The following CPVL variants were observed in gnomAD, a reference collection of about 807,000 sequenced individuals.
The protein encoded by CPVL is carboxypeptidase vitellogenic like.
A neutral mutation model predicts 63.7 loss-of-function variants in CPVL; 51 were observed. That is an observed-to-expected ratio of 0.80 (90% CI 0.64 to 1.01). The LOEUF (loss-of-function observed/expected upper bound fraction) is 1.01, where lower values mean the gene tolerates loss of function less well. Among genes scored for constraint, CPVL ranks in the 50% least tolerant of loss-of-function variants. The probability of loss-of-function intolerance (pLI) is 0.00; values close to 1 mark genes in which losing one functional copy is unlikely to be tolerated. For missense variants in CPVL, 530 were observed against 573.1 expected (o/e 0.92, Z 0.77); for synonymous variants, 195 against 206.0 (o/e 0.95, Z 0.46).
At chr7:29,146,570 T>TC (rs1335450554), upstream of CPVL, 17 of 1,539,230 alleles carry the variant, frequency 1.1e-5, no homozygotes, top group Non-Finnish European at 1.5e-5. Context: ...CTTTAAGCGC[T>TC]CCTCTAGGCT....
chr7:29,018,026 T>C (rs1468054287), intron 12 of CPVL, among the ~76,000 whole-genome samples: 1 of 152,188 alleles, frequency 6.6e-6, no homozygotes, highest in Non-Finnish European at 1.5e-5. Flanking sequence ...ATCTTGTAGT[T>C]TTGGAAGAAA....
chr7:29,080,374 A>G (rs1784586531), intron 7 of CPVL: 1 of 152,094 alleles, frequency 6.6e-6, no homozygotes, highest in Non-Finnish European at 1.5e-5. Flanking sequence ...CCTGTCCAAC[A>G]TAGTGAAACC....
chr7:29,156,684 G>C (rs1268826810), intron 5 of CPVL, among the ~76,000 whole-genome samples: 1 of 152,108 alleles, frequency 6.6e-6, no homozygotes, highest in African/African-American at 2.4e-5. Flanking sequence ...TTTTGACCAA[G>C]GAGCTTTATG....
chr7:29,121,137 G>T, intron 1 of CPVL, 66 bp from the exon 2 acceptor site: 1 of 1,392,898 alleles, frequency 7.2e-7, no homozygotes, highest in East Asian at 2.6e-5. Flanking sequence ...CCTTTTACAT[G>T]CAAGAAATTC....
At chr7:29,039,080 G>A (rs1788816055) in intron 11 of CPVL, among the ~76,000 whole-genome samples, 2 of 152,152 alleles carry the variant, frequency 1.3e-5, no homozygotes, top group Admixed American at 1.3e-4. Context: ...AAAAGGAAAG[G>A]GAAATTTATG....
At chr7:29,063,056 T>C (rs1311559046) in intron 11 of CPVL, among the ~76,000 whole-genome samples, 1 of 151,988 alleles carries the variant, frequency 6.6e-6, no homozygotes, top group African/African-American at 2.4e-5. Flanking sequence ...AAAGAAATAA[T>C]ACACAGGCTG....
chr7:29,102,507 C>G (rs1787257094), intron 3 of CPVL, among the ~76,000 whole-genome samples: 1 of 152,114 alleles, frequency 6.6e-6, no homozygotes, highest in African/African-American at 2.4e-5. Context: ...AAAATAAAAC[C>G]TCTACTAATG....
At chr7:29,118,994 AACAT>A (rs1250869499) in intron 2 of CPVL, among the ~76,000 whole-genome samples, 2 of 152,100 alleles carry the variant, frequency 1.3e-5, no homozygotes, top group African/African-American at 2.4e-5. Flanking sequence ...TCAGCAAACA[AACAT>A]TCTCTCCTAT....
intron 5 of CPVL, among the ~76,000 whole-genome samples, chr7:29,166,457 T>TTTTG (rs1231070047): frequency 6.6e-6 from 1 of 151,608 alleles, no homozygotes; most frequent in East Asian, 1.9e-4. Context: ...TTTTCTGGGT[T>TTTTG]TTTGTTTGTT....
chr7:29,015,352 C>T (rs1786303675), intron 12 of CPVL, among the ~76,000 whole-genome samples: 1 of 152,140 alleles, frequency 6.6e-6, no homozygotes, highest in African/African-American at 2.4e-5. Flanking sequence ...TGGTAATCCC[C>T]AATTTGGAGG....
intron 12 of CPVL, among the ~76,000 whole-genome samples, chr7:29,028,784 T>G (rs1039778062): frequency 1.3e-5 from 2 of 151,856 alleles, no homozygotes; most frequent in Non-Finnish European, 2.9e-5. Context: ...GCTAACACGG[T>G]GAAACCCCAT....
chr7:29,063,606 T>C (rs695069), intron 11 of CPVL, among the ~76,000 whole-genome samples: 95,442 of 152,022 alleles, frequency 0.63, 30,703 homozygotes, highest in African/African-American at 0.73. Flanking sequence ...GTTTTTGCTC[T>C]GTTGCCCAGG....
At chr7:29,186,590 G>A (rs1292523870) in intron 1 of CPVL, 1 of 151,496 alleles carries the variant, frequency 6.6e-6, no homozygotes, top group African/African-American at 2.4e-5. Flanking sequence ...AAGAAAGAAA[G>A]GGAGGAAGGA....
At chr7:29,120,739 T>C (rs1022590715) in intron 2 of CPVL, among the ~76,000 whole-genome samples, 154 bp downstream of exon 2, 3 of 150,098 alleles carry the variant, frequency 2.0e-5, no homozygotes, top group Non-Finnish European at 2.9e-5. Flanking sequence ...GAGAATTGCT[T>C]GAACCCGGGA....
chr7:29,095,671 G>A (rs1259302528), intron 4 of CPVL, among the ~76,000 whole-genome samples: 1 of 151,460 alleles, frequency 6.6e-6, no homozygotes, highest in Non-Finnish European at 1.5e-5. Flanking sequence ...TCCTTCCTCC[G>A]CCTCAGCCCC....
In CPVL at chr7:29,036,495, A is replaced by AG. The variant is rs539530741; in HGVS notation, c.1138-5737dup. The stretch of plus-strand genomic sequence containing the variant: ...ACTTGGTTGTCAATCTCACTCTTTC[A>AG]GAAAAAGGCCGACTGTAGGAAGAAA... On this transcript the variant is annotated intron_variant, in intron 11 of 12. Coordinates refer to ENST00000265394, the MANE Select transcript of CPVL (RefSeq NM_031311.5). 3.3e-4 allele frequency among the ~76,000 whole-genome samples: 50 copies of AG among 152,320 alleles called. 1 individual carries two copies. The East Asian group carries it at 9.4e-3, about 29-fold the overall frequency.
chr7:29,046,556 C>A (rs551743481), intron 11 of CPVL, among the ~76,000 whole-genome samples: 1 of 93,170 alleles, frequency 1.1e-5, no homozygotes, highest in Non-Finnish European at 2.1e-5. Flanking sequence ...CACACATGCA[C>A]GTGCGCGCGT....
At chr7:29,144,947 G>A (rs1005416775) in intron 1 of CPVL, among the ~76,000 whole-genome samples, 5 of 151,790 alleles carry the variant, frequency 3.3e-5, no homozygotes, top group African/African-American at 1.2e-4. Flanking sequence ...GGGATCAATT[G>A]CCCCTCCCAA....
intron 1 of CPVL, among the ~76,000 whole-genome samples, chr7:29,139,986 G>A (rs935863686): frequency 3.3e-5 from 5 of 152,012 alleles, no homozygotes; most frequent in East Asian, 1.9e-4. Flanking sequence ...TATTTCCCAC[G>A]GTCTGCACAT....
Sources: gnomAD v4.1 joint callset for allele counts (sites outside exome capture counted in the v4.1 genomes callset) on GRCh38, gnomAD v4.1.1 for gene constraint, MANE v1.5 for transcripts, NCBI Gene and HGNC (gene_info 2026-07-23, HGNC 2026-07-21) for gene names.